Variants in USP46 observed in about 807,000 individuals in gnomAD.
The protein encoded by USP46 is ubiquitin specific peptidase 46, also known as ubiquitin carboxyl-terminal hydrolase 46.
USP46 carries 12 observed loss-of-function variants against 44.4 expected under a neutral mutation model. That is an observed-to-expected ratio of 0.27 (90% CI 0.17 to 0.44). USP46 has a LOEUF of 0.44. Ranked by LOEUF, USP46 falls within the 20% of genes least tolerant of loss-of-function variation. USP46 has a pLI of 1.00. For synonymous variants in USP46, 155 were observed against 161.5 expected (o/e 0.96, Z 0.31); for missense variants, 248 against 444.8 (o/e 0.56, Z 3.98).
chr4:52,601,996 T>G lies in USP46; in HGVS notation c.781A>C (p.Met261Leu), dbSNP rs368404668. ...LALHLKRFKY[M>L]EQLHRYTKLS... ...TTGGTGTATCTGTGCAGCTGCTCCA[T>G]GTACTTGAACCGCTTTAGGTGCAGG... The change falls in exon 7 of 9, where the codon ATG becomes CTG. Residue 261 changes from methionine (M) to leucine (L), a missense_variant. This residue lies in a region of USP46 where 98 missense variants were observed against 218.2 expected (regional missense o/e 0.45). Transcript: ENST00000441222. 6.4e-5 allele frequency: 104 copies of G among 1,613,880 alleles called. No individual in the cohort carries two copies. Among genetic ancestry groups the G allele is most frequent in the Non-Finnish European group, 8.1e-5 (95 of 1,179,882 alleles).
intron 3 of USP46, among the ~76,000 whole-genome samples, chr4:52,627,150 C>T (rs1717626720): frequency 6.6e-6 from 1 of 152,216 alleles, no homozygotes; most frequent in African/African-American, 2.4e-5. Flanking sequence ...TTATTAATCA[C>T]GTTCACAACT....
chr4:52,623,565 T>G (rs747667765), intron 4 of USP46, among the ~76,000 whole-genome samples: 2 of 151,952 alleles, frequency 1.3e-5, no homozygotes, highest in African/African-American at 2.4e-5. Context: ...GCCAAAAAAA[T>G]GAAAAATATT....
intron 4 of USP46, among the ~76,000 whole-genome samples, chr4:52,621,794 G>A (rs930201719): frequency 6.6e-6 from 1 of 152,194 alleles, no homozygotes; most frequent in East Asian, 1.9e-4. Context: ...ATACCCCAGA[G>A]AGAATTTTGC....
At chr4:52,601,018 A>T (rs1716448839) in intron 7 of USP46, among the ~76,000 whole-genome samples, 1 of 152,240 alleles carries the variant, frequency 6.6e-6, no homozygotes, top group African/African-American at 2.4e-5. Flanking sequence ...CCTAGTACAC[A>T]ATTAAAAATA....
chr4:52,651,299 G>A (rs1272439564), intron 1 of USP46, among the ~76,000 whole-genome samples: 1 of 152,062 alleles, frequency 6.6e-6, no homozygotes, highest in Admixed American at 6.5e-5. Flanking sequence ...AGAATGTGGA[G>A]GGAGTAGAAG....
intron 1 of USP46, among the ~76,000 whole-genome samples, chr4:52,657,692 AG>A (rs1369799855): frequency 6.6e-6 from 1 of 152,210 alleles, no homozygotes; most frequent in African/African-American, 2.4e-5. Flanking sequence ...TCGCAGAGAA[AG>A]GAAAAAAAGA....
intron 4 of USP46, among the ~76,000 whole-genome samples, chr4:52,621,092 G>A (rs1196241874): frequency 6.6e-6 from 1 of 151,982 alleles, no homozygotes; most frequent in Non-Finnish European, 1.5e-5. Context: ...GCAAAAATAG[G>A]TCACCAGTTC....
chr4:52,624,043 T>C (rs542255748), intron 4 of USP46, among the ~76,000 whole-genome samples: 1 of 152,224 alleles, frequency 6.6e-6, no homozygotes, highest in Non-Finnish European at 1.5e-5. Flanking sequence ...GGAAATGCTA[T>C]AGGACAAACA....
chr4:52,638,660 T>A (rs1360892353), intron 1 of USP46, among the ~76,000 whole-genome samples: 2 of 148,774 alleles, frequency 1.3e-5, no homozygotes, highest in African/African-American at 4.9e-5. Flanking sequence ...ATTTTTTTTA[T>A]GAAAAAAATA....
chr4:52,630,838 G>A (rs1717796491), intron 2 of USP46, among the ~76,000 whole-genome samples: 1 of 151,992 alleles, frequency 6.6e-6, no homozygotes, highest in Non-Finnish European at 1.5e-5. Context: ...AAGCATGGGG[G>A]GAAAATGTAA....
chr4:52,650,616 C>A (rs1379875876), intron 1 of USP46, among the ~76,000 whole-genome samples: 1 of 152,110 alleles, frequency 6.6e-6, no homozygotes, highest in African/African-American at 2.4e-5. Context: ...TCTGTTAAAT[C>A]TGAAGGGTAG....
intron 1 of USP46, among the ~76,000 whole-genome samples, chr4:52,648,572 T>G (rs745381754): frequency 2.6e-5 from 4 of 152,188 alleles, no homozygotes; most frequent in Non-Finnish European, 4.4e-5. Flanking sequence ...ATCACTGACC[T>G]AAGCAACTGG....
At chr4:52,631,009 G>C in intron 2 of USP46, 55 bp downstream of exon 2, 3 of 1,448,046 alleles carry the variant, frequency 2.1e-6, no homozygotes, top group Non-Finnish European at 2.8e-6. Context: ...TTAAAGTGGA[G>C]TTGCTTCATA....
chr4:52,615,834 T>C (rs900962685), intron 4 of USP46, among the ~76,000 whole-genome samples: 1 of 152,116 alleles, frequency 6.6e-6, no homozygotes, highest in African/African-American at 2.4e-5. Context: ...AGAAAAAAAA[T>C]CACTAACTGG....
chr4:52,657,366 TGGGTGGGG>T (rs1718992498), intron 1 of USP46, among the ~76,000 whole-genome samples: 1 of 145,516 alleles, frequency 6.9e-6, no homozygotes, highest in Non-Finnish European at 1.5e-5. Context: ...GCACTGAGGG[TGGGTGGGG>T]GGACGCGTGG....
chr4:52,642,496 C>A (rs1226067951), intron 1 of USP46, among the ~76,000 whole-genome samples: 1 of 152,192 alleles, frequency 6.6e-6, no homozygotes, highest in Non-Finnish European at 1.5e-5. Flanking sequence ...TCCTTGGAAC[C>A]ACAGAACTGA....
intron 4 of USP46, among the ~76,000 whole-genome samples, chr4:52,624,251 G>A (rs892807546): frequency 2.0e-5 from 3 of 152,170 alleles, no homozygotes; most frequent in Non-Finnish European, 4.4e-5. Flanking sequence ...AAGGAACAGA[G>A]GGAAAATGGG....
chr4:52,645,975 A>G (rs1263040322), intron 1 of USP46, among the ~76,000 whole-genome samples: 2 of 152,054 alleles, frequency 1.3e-5, no homozygotes, highest in Non-Finnish European at 2.9e-5. Context: ...ACCTTCTGCC[A>G]TGATTTTAAG....
intron 3 of USP46, among the ~76,000 whole-genome samples, chr4:52,626,615 G>A (rs531563992): frequency 3.3e-5 from 5 of 152,194 alleles, no homozygotes; most frequent in African/African-American, 9.6e-5. Flanking sequence ...GAGCCACCGC[G>A]CCTGGCCCAT....
Sources: allele counts gnomAD v4.1 joint callset (sites outside exome capture counted in the v4.1 genomes callset), GRCh38; gene constraint gnomAD v4.1.1; regional missense constraint gnomAD v4.1.1; transcripts MANE v1.5; gene names NCBI Gene and HGNC (gene_info 2026-07-23, HGNC 2026-07-21).